TMEM182: variants seen among roughly 807,000 people sequenced by gnomAD.
TMEM182 encodes the protein transmembrane protein 182.
A neutral mutation model predicts 26.8 loss-of-function variants in TMEM182; 20 were observed. The ratio of observed to expected loss-of-function variants is 0.75; its 90% CI spans 0.53 to 1.09. The LOEUF (loss-of-function observed/expected upper bound fraction) is 1.09. Ranked by LOEUF, TMEM182 falls within the 50% of genes least tolerant of loss-of-function variation. The probability of loss-of-function intolerance (pLI) is 0.00; values close to 1 mark genes in which losing one functional copy is unlikely to be tolerated. For missense variants in TMEM182, 277 were observed against 275.5 expected (o/e 1.01, Z -0.04); for synonymous variants, 109 against 102.2 (o/e 1.07, Z -0.40).
intron 1 of TMEM182, among the ~76,000 whole-genome samples, chr2:102,745,796 T>C (rs139084040): frequency 6.3e-4 from 96 of 152,330 alleles, no homozygotes; most frequent in African/African-American, 2.1e-3. Context: ...GGTTGTAGCA[T>C]GGATTCCCAA....
chr2:102,762,319 T>C lies in TMEM182; in HGVS notation c.102T>C (p.Thr34=). Residue 34 remains threonine (T), a synonymous_variant, in exon 1 of 5, where the codon ACT becomes ACC. Coordinates refer to ENST00000412401, the MANE Select transcript of TMEM182 (RefSeq NM_144632.5). The part of the protein sequence containing the change: ...AFGSDYWLLA[T]EVGRCSGEKN... ...GATCGGATTATTGGCTTCTTGCAAC[T>C]GAAGTGGGGAGATGTTCAGGTGAAA... 1.2e-6 allele frequency: 2 copies of C among 1,613,986 alleles called. No homozygotes were observed. The highest frequency in any genetic ancestry group is 1.7e-6 in the Non-Finnish European group (2 of 1,179,910).
chr2:102,800,799 G>GTC (rs1359166277), intron 4 of TMEM182, among the ~76,000 whole-genome samples: 1 of 33,700 alleles, frequency 3.0e-5, no homozygotes, highest in African/African-American at 1.3e-4. Context: ...TGGACAGTTT[G>GTC]TGTGTGTGTG....
chr2:102,789,068 G>A (rs1438119832), intron 3 of TMEM182, among the ~76,000 whole-genome samples: 1 of 152,176 alleles, frequency 6.6e-6, no homozygotes, highest in Non-Finnish European at 1.5e-5. Flanking sequence ...CTAAAGCGAG[G>A]CAACATATGC....
In TMEM182 at chr2:102,797,925, T is replaced by C. The variant is rs1364863191; in HGVS notation, c.394T>C (p.Phe132Leu). The C allele has an allele frequency of 6.2e-7, 1 of 1,614,050 alleles. No homozygotes were observed. The highest frequency in any genetic ancestry group is 8.5e-7 in the Non-Finnish European group (1 of 1,180,040). The part of the protein sequence containing the change: ...LGVVAVVIAS[F>L]LIICAAPFAS... ...GGTAGTTGCTGTAGTCATCGCAAGC[T>C]TTTTGATCATCTGTGCAGCCCCCTT... The change falls in exon 4 of 5, where the codon TTT becomes CTT. Residue 132 changes from phenylalanine to leucine, a missense_variant. Transcript: ENST00000412401.
At chr2:102,819,886 A>G (rs1402190670), downstream of TMEM182, among the ~76,000 whole-genome samples, 1 of 152,162 alleles carries the variant, frequency 6.6e-6, no homozygotes, top group African/African-American at 2.4e-5. Flanking sequence ...TCTTCCTTGG[A>G]TCCAGAGCAT....
At chr2:102,737,565 T>C (rs963388642) in intron 1 of TMEM182, among the ~76,000 whole-genome samples, 2 of 151,526 alleles carry the variant, frequency 1.3e-5, no homozygotes, top group Non-Finnish European at 2.9e-5. Flanking sequence ...TTGGAGGAGG[T>C]GACATGTAAG....
At chr2:102,772,351 TAAAC>T (rs1410000182) in intron 3 of TMEM182, among the ~76,000 whole-genome samples, 32 of 152,098 alleles carry the variant, frequency 2.1e-4, no homozygotes, top group African/African-American at 7.7e-4. Flanking sequence ...AGGCTAAAAA[TAAAC>T]AATAAGTCAG....
chr2:102,835,988 T>C (rs1683239937), intron 3 of TMEM182, among the ~76,000 whole-genome samples: 1 of 152,132 alleles, frequency 6.6e-6, no homozygotes, highest in South Asian at 2.1e-4. Context: ...GTTGGAATCA[T>C]ACAGTATGTA....
chr2:102,828,407 C>G (rs1683085209), intron 3 of TMEM182, among the ~76,000 whole-genome samples: 1 of 152,120 alleles, frequency 6.6e-6, no homozygotes, highest in Non-Finnish European at 1.5e-5. Context: ...TTACTTTTTT[C>G]TGCCTGTGTA....
At chr2:102,804,803 G>A (rs553206840) in intron 4 of TMEM182, among the ~76,000 whole-genome samples, 1 of 152,174 alleles carries the variant, frequency 6.6e-6, no homozygotes, top group African/African-American at 2.4e-5. Context: ...TGCATCTCTT[G>A]TACTAGAATT....
intron 1 of TMEM182, among the ~76,000 whole-genome samples, chr2:102,739,013 A>T (rs1393865762): frequency 6.6e-6 from 1 of 152,224 alleles, no homozygotes; most frequent in African/African-American, 2.4e-5. Context: ...TAAGGCACTG[A>T]GGAATGTATT....
At chr2:102,796,885 A>T (rs1681890980) in intron 3 of TMEM182, among the ~76,000 whole-genome samples, 1 of 152,224 alleles carries the variant, frequency 6.6e-6, no homozygotes, top group Admixed American at 6.5e-5. Flanking sequence ...TGAGAAAAAA[A>T]AATATTCTTT....
chr2:102,737,850 G>T (rs1471140597), intron 1 of TMEM182, among the ~76,000 whole-genome samples: 1 of 152,098 alleles, frequency 6.6e-6, no homozygotes, highest in Non-Finnish European at 1.5e-5. Flanking sequence ...TTTCACTGTG[G>T]GATCAAGAAG....
At chr2:102,820,126 C>T (rs1205979366), downstream of TMEM182, among the ~76,000 whole-genome samples, 1 of 152,096 alleles carries the variant, frequency 6.6e-6, no homozygotes, top group African/African-American at 2.4e-5. Context: ...TGATTGGTTC[C>T]CTGTCAGCTC....
At chr2:102,759,651 G>A (rs574527017), upstream of TMEM182, among the ~76,000 whole-genome samples, 2 of 152,312 alleles carry the variant, frequency 1.3e-5, no homozygotes, top group African/African-American at 2.4e-5. Context: ...TGTCCCCAAA[G>A]TAATGGCTTA....
chr2:102,799,704 C>T (rs1033422075), intron 4 of TMEM182, among the ~76,000 whole-genome samples: 13 of 152,208 alleles, frequency 8.5e-5, no homozygotes, highest in South Asian at 4.1e-4. Flanking sequence ...GCGGGACCCT[C>T]TCTGGAATTG....
chr2:102,776,945 T>C (rs1462235572), intron 3 of TMEM182, among the ~76,000 whole-genome samples: 2 of 152,162 alleles, frequency 1.3e-5, no homozygotes, highest in African/African-American at 2.4e-5. Context: ...TCTGTATTTC[T>C]TCTTTTGTGA....
chr2:102,766,615 T>G (rs1219073932), intron 3 of TMEM182, among the ~76,000 whole-genome samples: 1 of 152,164 alleles, frequency 6.6e-6, no homozygotes, highest in Non-Finnish European at 1.5e-5. Flanking sequence ...AAGGTATAGA[T>G]TTCATTGGAA....
chr2:102,774,100 C>G (rs1680800626), intron 3 of TMEM182, among the ~76,000 whole-genome samples: 1 of 152,004 alleles, frequency 6.6e-6, no homozygotes, highest in Non-Finnish European at 1.5e-5. Flanking sequence ...CATATCTTAT[C>G]TATACATCTG....
Sources: allele counts gnomAD v4.1 joint callset (sites outside exome capture counted in the v4.1 genomes callset), GRCh38; gene constraint gnomAD v4.1.1; transcripts MANE v1.5; gene names NCBI Gene and HGNC (gene_info 2026-07-23, HGNC 2026-07-21).